Variants in LRIG1 observed in about 807,000 individuals in gnomAD.
The protein encoded by LRIG1 is leucine-rich repeats and immunoglobulin-like domains protein 1.
A neutral mutation model predicts 99.2 loss-of-function variants in LRIG1; 48 were observed. The ratio of observed to expected loss-of-function variants is 0.48; its 90% CI spans 0.38 to 0.62. The LOEUF is 0.62. Ranked by LOEUF, LRIG1 falls within the 20% of genes least tolerant of loss-of-function variation. LRIG1 has a pLI of 0.00. For missense variants in LRIG1, 1,646 were observed against 1,434.4 expected (o/e 1.15, Z -2.38); for synonymous variants, 772 against 596.1 (o/e 1.29, Z -4.30).
At chr3:66,425,787 G>A (rs1041909697) in intron 3 of LRIG1, among the ~76,000 whole-genome samples, 2 of 152,322 alleles carry the variant, frequency 1.3e-5, no homozygotes, top group East Asian at 1.9e-4. Context: ...CCTCTGGAGC[G>A]AGGAGAACTT....
chr3:66,381,750 G>A (rs547131537), intron 16 of LRIG1, 119 bp from the exon 17 acceptor site: 112 of 1,124,752 alleles, frequency 1.0e-4, no homozygotes, highest in African/African-American at 4.6e-4. Context: ...TCTTCAGAGC[G>A]GTGGGGCTGC....
At chr3:66,499,080 G>A (rs750996584) in intron 1 of LRIG1, among the ~76,000 whole-genome samples, 35 of 152,150 alleles carry the variant, frequency 2.3e-4, no homozygotes, top group Non-Finnish European at 4.7e-4. Context: ...ATTTAAGCTA[G>A]GCCTTTTCTG....
chr3:66,385,294 A>G (rs147130895), intron 13 of LRIG1, among the ~76,000 whole-genome samples: 31 of 152,344 alleles, frequency 2.0e-4, no homozygotes, highest in African/African-American at 6.7e-4. Context: ...TCTCTGGAGC[A>G]GTAGCTAGCC....
At chr3:66,405,984 C>A in intron 8 of LRIG1, 1 of 992,670 alleles carries the variant, frequency 1.0e-6, no homozygotes, top group Non-Finnish European at 1.2e-6. Context: ...CGAGACATCA[C>A]ACCTGGAGAC....
chr3:66,397,317 C>A (rs1329187446), intron 11 of LRIG1, among the ~76,000 whole-genome samples: 1 of 152,154 alleles, frequency 6.6e-6, no homozygotes, highest in Non-Finnish European at 1.5e-5. Context: ...GGGATGAGGT[C>A]AGGGCACAAA....
chr3:66,440,962 C>G (rs1703517643), intron 3 of LRIG1, among the ~76,000 whole-genome samples: 1 of 152,160 alleles, frequency 6.6e-6, no homozygotes, highest in Admixed American at 6.5e-5. Context: ...CCACATGATG[C>G]CTGAATCAGC....
intron 3 of LRIG1, among the ~76,000 whole-genome samples, chr3:66,420,545 G>A (rs1575677166): frequency 6.6e-6 from 1 of 152,180 alleles, no homozygotes; most frequent in Non-Finnish European, 1.5e-5. Context: ...CACAGCCAAA[G>A]GTGGAACAGC....
chr3:66,405,189 G>A lies in LRIG1; in HGVS notation c.1160+9C>T, dbSNP rs1260043467. 1.2e-6 allele frequency: 2 copies of A among 1,613,568 alleles called. No homozygotes were observed. The highest frequency in any genetic ancestry group is 2.2e-5 in the East Asian group (1 of 44,876). ...TTTGCCGGCGGAGCTCCGTGCGGCGGATACTCACAGCTTGCTGAGGCTGTC... is the reference window on the plus strand; with the variant it reads ...TTTGCCGGCGGAGCTCCGTGCGGCGAATACTCACAGCTTGCTGAGGCTGTC... On this transcript the variant is annotated intron_variant, in intron 9 of 18. Coordinates refer to ENST00000273261, the MANE Select transcript of LRIG1 (RefSeq NM_015541.3).
rs267599925 is a variant in LRIG1 at position 66,380,303 on chromosome 3, C to T, written c.3242G>A (p.Gly1081Glu). 1.2e-6 allele frequency: 2 copies of T among 1,613,792 alleles called. No individual in the cohort carries two copies. Among genetic ancestry groups the T allele is most frequent in the Non-Finnish European group, 1.7e-6 (2 of 1,179,836 alleles). The stretch of plus-strand genomic sequence containing the variant: ...CAACAGCAGTGGCACCCTCTGTTTC[C>T]CGGGGAGCTGTCCTGTCAGTGGCGT... ...ESTPLTGQLP[G>E]KQRVPLLLAP... The change falls in exon 19 of 19, where the codon GGG becomes GAG. Residue 1081 changes from glycine (G) to glutamate (E), a missense_variant. Coordinates refer to ENST00000273261, the MANE Select transcript of LRIG1 (RefSeq NM_015541.3).
chr3:66,392,604 G>C (rs569373855), intron 12 of LRIG1, among the ~76,000 whole-genome samples: 51 of 149,158 alleles, frequency 3.4e-4, no homozygotes, highest in Admixed American at 9.4e-4. Flanking sequence ...GTTTTTAGAG[G>C]GGGGGAAGCT....
chr3:66,483,962 T>C (rs188814612), intron 1 of LRIG1, among the ~76,000 whole-genome samples: 1 of 152,344 alleles, frequency 6.6e-6, no homozygotes, highest in African/African-American at 2.4e-5. Context: ...TCAGTGACAA[T>C]TCTTGCATAT....
At position 66,382,372 on chromosome 3, in the gene LRIG1, G is replaced by A. The variant is rs369444638; in HGVS notation, c.2518C>T (p.Pro840Ser). 7 of 1,614,092 alleles carry A rather than the reference G, an allele frequency of 4.3e-6. No individual in the cohort carries two copies. The African/African-American group carries it at 9.3e-5, about 22-fold the overall frequency. ...TDETVVPPDV[P>S]SYLSSQGTLS... ...GTCCCCTGAGAAGAGAGGTAGCTTGGAACATCTGGTGGCACGACGGTTTCA... is the reference window on the plus strand; with the variant it reads ...GTCCCCTGAGAAGAGAGGTAGCTTGAAACATCTGGTGGCACGACGGTTTCA... Residue 840 changes from proline (P) to serine (S), a missense_variant, in exon 16 of 19, where the codon CCA becomes TCA. Pro to Ser is a moderately conservative substitution (Grantham distance 74). Coordinates refer to ENST00000273261, the MANE Select transcript of LRIG1 (RefSeq NM_015541.3).
Position 66,384,028 on chromosome 3 carries a change from G to A in LRIG1, c.2034C>T (p.Ala678=), listed in dbSNP as rs1040287979. The change falls in exon 14 of 19, where the codon GCC becomes GCT. Residue 678 remains alanine, a synonymous_variant. Transcript: ENST00000273261. ...GGGTGGCATTAGCTGAAATAGAACC[G>A]GCTGAGTTCTGAGCAGTACAGCTGT... The part of the protein sequence containing the change: ...GVYSCTAQNS[A]GSISANATLT... 6.8e-6 allele frequency: 11 copies of A among 1,613,624 alleles called. No individual in the cohort carries two copies. The highest frequency in any genetic ancestry group is 2.7e-5 in the African/African-American group (2 of 74,732).
intron 1 of LRIG1, among the ~76,000 whole-genome samples, chr3:66,492,937 A>T (rs999051038): frequency 1.3e-5 from 2 of 152,246 alleles, no homozygotes; most frequent in Non-Finnish European, 2.9e-5. Flanking sequence ...ACAGCTTTTC[A>T]GGTGGCATCC....
At position 66,384,123 on chromosome 3, in the gene LRIG1, G is replaced by A; in HGVS notation, c.1939C>T (p.Arg647Cys). The A allele has an allele frequency of 1.2e-6, 2 of 1,614,174 alleles. No homozygotes were observed. The highest frequency in any genetic ancestry group is 1.7e-6 in the Non-Finnish European group (2 of 1,180,040). ...GTDFPAARERRMHVMPDDDVF... is the reference protein window; with the variant it reads ...GTDFPAARERCMHVMPDDDVF... ...TCGTCATCCGGCATGACATGCATGC[G>A]TCGCTCACGGGCAGCGGGGAAATCC... Residue 647 changes from arginine to cysteine, a missense_variant, in exon 14 of 19, where the codon CGC becomes TGC. By Grantham distance (180) the Arg-to-Cys change is radical. Transcript: ENST00000273261.
chr3:66,472,029 G>A (rs1017337529), intron 1 of LRIG1, among the ~76,000 whole-genome samples: 8 of 152,134 alleles, frequency 5.3e-5, no homozygotes, highest in African/African-American at 1.7e-4. Context: ...TTCGGGCCAG[G>A]CGTGGTGGCT....
At chr3:66,500,090 A>C in intron 1 of LRIG1, 100 bp downstream of exon 1, 3 of 913,352 alleles carry the variant, frequency 3.3e-6, no homozygotes, top group Non-Finnish European at 4.8e-6. Context: ...CCACACACAC[A>C]ACCCAGTCCG....
intron 1 of LRIG1, among the ~76,000 whole-genome samples, chr3:66,465,767 T>C (rs1160491037): frequency 1.3e-5 from 2 of 152,156 alleles, no homozygotes; most frequent in African/African-American, 2.4e-5. Flanking sequence ...ACCTTCACAC[T>C]GTTGTGCAAC....
chr3:66,444,784 G>A (rs920756638), intron 3 of LRIG1, among the ~76,000 whole-genome samples: 5 of 152,102 alleles, frequency 3.3e-5, no homozygotes, highest in Admixed American at 6.5e-5. Context: ...GAAACAATCA[G>A]TTCACATCAA....
Sources: allele counts gnomAD v4.1 joint callset (sites outside exome capture counted in the v4.1 genomes callset), GRCh38; gene constraint gnomAD v4.1.1; transcripts MANE v1.5; gene names NCBI Gene and HGNC (gene_info 2026-07-23, HGNC 2026-07-21).